The following PTPRK variants were observed in gnomAD, a reference collection of about 807,000 sequenced individuals.
The protein encoded by PTPRK is protein tyrosine phosphatase receptor type K.
In PTPRK, 75 loss-of-function variants were observed where a neutral mutation model predicts 178.0. The observed-to-expected ratio is 0.42, with a 90% CI of 0.35 to 0.51. The LOEUF is 0.51. PTPRK is among the 20% of genes least tolerant of loss of function. PTPRK has a pLI of 0.02. For synonymous variants in PTPRK, 637 were observed against 620.6 expected (o/e 1.03, Z -0.39); for missense variants, 1,441 against 1,797.8 (o/e 0.80, Z 3.59).
chr6:127,973,259 T>C, intron 28 of PTPRK, 102 bp from the exon 29 acceptor site: 1 of 1,532,366 alleles, frequency 6.5e-7, no homozygotes, highest in Non-Finnish European at 8.8e-7. Context: ...TAGTTTTAAT[T>C]GTTTTCCATT....
At chr6:128,116,976 C>G (rs1301143597) in intron 7 of PTPRK, among the ~76,000 whole-genome samples, 1 of 152,012 alleles carries the variant, frequency 6.6e-6, no homozygotes, top group African/African-American at 2.4e-5. Context: ...GAAACCCTGT[C>G]TCTACTAAAA....
At chr6:128,105,574 G>A (rs1789587802) in intron 7 of PTPRK, among the ~76,000 whole-genome samples, 1 of 152,136 alleles carries the variant, frequency 6.6e-6, no homozygotes, top group Admixed American at 6.5e-5. Context: ...AACTCATGAA[G>A]ACAGAAAGAA....
At chr6:128,291,016 A>T (rs2128306911) in intron 3 of PTPRK, among the ~76,000 whole-genome samples, 1 of 152,240 alleles carries the variant, frequency 6.6e-6, no homozygotes, top group African/African-American at 2.4e-5. Context: ...CTACATATGA[A>T]TCTCCAGAAT....
rs149282642 is a variant in PTPRK at position 128,221,505 on chromosome 6, T to C, written c.694-2409A>G. ...CGCCACTGCACTCCAGCCTGGGTGA[T>C]AGAGCAAGATTCTGTCTCAAAAAAA... is the stretch of plus-strand genomic sequence containing the variant. On this transcript the variant is annotated intron_variant, in intron 5 of 29. Transcript: ENST00000368226. Among the ~76,000 whole-genome samples, 142 of 149,682 alleles carry C rather than the reference T, an allele frequency of 9.5e-4. 1 individual carries two copies. The highest frequency in any genetic ancestry group is 3.1e-3 in the African/African-American group (126 of 40,758).
Position 127,973,828 on chromosome 6 carries a change from C to G in PTPRK, c.3970-1G>C. ...GCACCATCAGATAACCTTCCTGTGGCTGTAGAGGGAAGTGTTTTTATGTAA... is the reference window on the plus strand; with the variant it reads ...GCACCATCAGATAACCTTCCTGTGGGTGTAGAGGGAAGTGTTTTTATGTAA... On this transcript the variant is annotated splice_acceptor_variant, in intron 27 of 29. Transcript: ENST00000368226. LOFTEE classifies it high-confidence loss of function. 10 of 1,610,572 alleles carry G rather than the reference C, an allele frequency of 6.2e-6. No individual in the cohort carries two copies. The highest frequency in any genetic ancestry group is 7.6e-6 in the Non-Finnish European group (9 of 1,177,396).
chr6:128,029,636 C>G (rs572356873), intron 13 of PTPRK, among the ~76,000 whole-genome samples: 1,354 of 119,042 alleles, frequency 0.011, 7 homozygotes, highest in Middle Eastern at 0.024. Flanking sequence ...GATTCCATCT[C>G]AAAATAATAA....
chr6:128,470,650 A>C (rs960381618), intron 1 of PTPRK, among the ~76,000 whole-genome samples: 1 of 151,964 alleles, frequency 6.6e-6, no homozygotes, highest in African/African-American at 2.4e-5. Flanking sequence ...CAAAAAAAGA[A>C]ATCAATATTG....
chr6:128,124,552 T>A (rs989487361), intron 7 of PTPRK, among the ~76,000 whole-genome samples: 12 of 152,168 alleles, frequency 7.9e-5, no homozygotes. Context: ...CATTGTTTCA[T>A]GGCCCTTAAA....
chr6:127,997,233 A>G (rs1777262215), intron 16 of PTPRK, among the ~76,000 whole-genome samples: 1 of 152,144 alleles, frequency 6.6e-6, no homozygotes, highest in African/African-American at 2.4e-5. Flanking sequence ...ATGGACCTTG[A>G]AAGTATTTTA....
At chr6:128,457,795 A>T (rs987043509) in intron 1 of PTPRK, among the ~76,000 whole-genome samples, 1 of 152,170 alleles carries the variant, frequency 6.6e-6, no homozygotes, top group African/African-American at 2.4e-5. Flanking sequence ...ATATGCACAG[A>T]TATGTGCCTA....
At chr6:128,464,402 A>G (rs1394719720) in intron 1 of PTPRK, among the ~76,000 whole-genome samples, 1 of 151,742 alleles carries the variant, frequency 6.6e-6, no homozygotes, top group African/African-American at 2.4e-5. Flanking sequence ...TGCATTAACA[A>G]CCCAAAATAT....
At chr6:128,350,606 G>A (rs1832990496) in intron 2 of PTPRK, among the ~76,000 whole-genome samples, 1 of 152,114 alleles carries the variant, frequency 6.6e-6, no homozygotes, top group Non-Finnish European at 1.5e-5. Context: ...ACAGTGCTTT[G>A]TAAATATTTA....
At position 128,037,134 on chromosome 6, in the gene PTPRK, T is replaced by G. The variant is rs369362443; in HGVS notation, c.2194+27624A>C. On this transcript the variant is annotated intron_variant, in intron 13 of 29. Coordinates refer to ENST00000368226, the MANE Select transcript of PTPRK (RefSeq NM_002844.4). ...TGGATTAATCAGATTTTTCTGCCTG[T>G]TCTCAGTCAACAGGACTACATACTT... Among the ~76,000 whole-genome samples the G allele has an allele frequency of 1.7e-4, 26 of 152,284 alleles. No individual in the cohort carries two copies. In the South Asian group the frequency reaches 2.7e-3, roughly 16 times the overall value.
intron 7 of PTPRK, among the ~76,000 whole-genome samples, chr6:128,141,714 G>T (rs1400525358): frequency 6.6e-6 from 1 of 151,870 alleles, no homozygotes; most frequent in African/African-American, 2.4e-5. Flanking sequence ...AATTTTGATA[G>T]CAAGAGCATT....
intron 1 of PTPRK, among the ~76,000 whole-genome samples, chr6:128,464,641 A>ATATATATATG (rs1849559499): frequency 1.5e-5 from 1 of 64,606 alleles, no homozygotes. Flanking sequence ...ATATACACAT[A>ATATATATATG]TATATATATA....
intron 7 of PTPRK, among the ~76,000 whole-genome samples, chr6:128,160,258 TAGAG>T (rs139768858): frequency 1.0e-3 from 156 of 151,730 alleles, no homozygotes; most frequent in African/African-American, 3.6e-3. Context: ...AACTGATTCT[TAGAG>T]GGGACAAAAA....
chr6:128,359,753 A>T (rs1163299568), intron 2 of PTPRK, among the ~76,000 whole-genome samples: 3 of 151,920 alleles, frequency 2.0e-5, no homozygotes, highest in Non-Finnish European at 4.4e-5. Context: ...ACTCGGTCTC[A>T]AAAATAAAAA....
intron 2 of PTPRK, among the ~76,000 whole-genome samples, chr6:128,352,706 C>A (rs887322994): frequency 1.3e-5 from 2 of 152,172 alleles, no homozygotes; most frequent in Non-Finnish European, 2.9e-5. Flanking sequence ...CAGATCCCAA[C>A]TGAGACATCA....
chr6:128,219,078 T>C lies in PTPRK; in HGVS notation c.712A>G (p.Ile238Val). ...LWLQRRNGEDIPVAQTKNINH... is the reference protein window; with the variant it reads ...LWLQRRNGEDVPVAQTKNINH... The stretch of plus-strand genomic sequence containing the variant: ...ATGTTCTTAGTCTGGGCTACTGGTA[T>C]ATCTTCTCCATTTCGTCTCTGCAAA... Residue 238 changes from isoleucine (I) to valine (V), a missense_variant, in exon 6 of 30, where the codon ATA becomes GTA. Physicochemically the swap from Ile to Val is conservative, Grantham distance 29 (BLOSUM62 3). This residue lies in a region of PTPRK where 945 missense variants were observed against 1,080.6 expected (regional missense o/e 0.87). Coordinates refer to ENST00000368226, the MANE Select transcript of PTPRK (RefSeq NM_002844.4). The C allele has an allele frequency of 6.2e-7, 1 of 1,612,920 alleles. No homozygotes were observed. Among genetic ancestry groups the C allele is most frequent in the Non-Finnish European group, 8.5e-7 (1 of 1,179,388 alleles).
Sources: allele counts gnomAD v4.1 joint callset (sites outside exome capture counted in the v4.1 genomes callset), GRCh38; gene constraint gnomAD v4.1.1; regional missense constraint gnomAD v4.1.1; transcripts MANE v1.5; gene names NCBI Gene and HGNC (gene_info 2026-07-23, HGNC 2026-07-21).